Variants in MYO18B observed in about 807,000 individuals in gnomAD.
MYO18B encodes myosin XVIIIB.
In MYO18B, 204 loss-of-function variants were observed where a neutral mutation model predicts 273.0. That is an observed-to-expected ratio of 0.75 (90% CI 0.67 to 0.84). The LOEUF is 0.84. MYO18B is among the 40% of genes least tolerant of loss of function. MYO18B has a pLI of 0.00. For synonymous variants in MYO18B, 1,330 were observed against 1,305.7 expected (o/e 1.02, Z -0.40); for missense variants, 3,212 against 3,287.6 (o/e 0.98, Z 0.56).
intron 34 of MYO18B, among the ~76,000 whole-genome samples, chr22:25,937,523 C>T (rs1196934401): frequency 2.6e-5 from 4 of 152,130 alleles, no homozygotes; most frequent in Non-Finnish European, 5.9e-5. Flanking sequence ...ATATTCTCCC[C>T]CATGGCCACT....
At chr22:25,940,343 T>C (rs1352546248) in intron 34 of MYO18B, among the ~76,000 whole-genome samples, 4 of 152,192 alleles carry the variant, frequency 2.6e-5, no homozygotes, top group Admixed American at 2.6e-4. Context: ...ATTGCACCCA[T>C]GTAAGACATG....
chr22:25,878,523 C>T (rs778647772), intron 25 of MYO18B, among the ~76,000 whole-genome samples: 10 of 152,188 alleles, frequency 6.6e-5, no homozygotes, highest in African/African-American at 1.2e-4. Flanking sequence ...CCAATAAGAA[C>T]GGAAAAACAA....
chr22:25,796,542 G>A (rs1223120883), intron 11 of MYO18B, among the ~76,000 whole-genome samples: 1 of 151,448 alleles, frequency 6.6e-6, no homozygotes, highest in Non-Finnish European at 1.5e-5. Context: ...ACTGCAGTGG[G>A]CTATAATCAC....
the MYO18B span, among the ~76,000 whole-genome samples, chr22:26,037,497 C>G: frequency 6.6e-6 from 1 of 151,376 alleles, no homozygotes; most frequent in Non-Finnish European, 1.5e-5. Context: ...ACTCTGACCC[C>G]GAGTCCCAGG....
intron 39 of MYO18B, among the ~76,000 whole-genome samples, chr22:25,991,651 T>A (rs919354954): frequency 1.6e-4 from 25 of 152,256 alleles, no homozygotes; most frequent in African/African-American, 6.0e-4. Flanking sequence ...CGAGCTTGAG[T>A]TCCAGCTCCG....
At chr22:26,003,150 C>G in intron 40 of MYO18B, 115 bp from the exon 41 acceptor site, 2 of 941,368 alleles carry the variant, frequency 2.1e-6, no homozygotes, top group Admixed American at 4.0e-5. Flanking sequence ...TGAGATCACA[C>G]AGGGGCAAAG....
At chr22:25,980,500 G>A (rs2093137894) in intron 39 of MYO18B, among the ~76,000 whole-genome samples, 1 of 152,154 alleles carries the variant, frequency 6.6e-6, no homozygotes, top group Admixed American at 6.5e-5. Flanking sequence ...TGGCTGCAGA[G>A]CCAACTCCAT....
At chr22:25,993,236 T>A (rs1275702242) in intron 40 of MYO18B, among the ~76,000 whole-genome samples, 3 of 152,162 alleles carry the variant, frequency 2.0e-5, no homozygotes, top group Non-Finnish European at 4.4e-5. Flanking sequence ...GTCCAACTCC[T>A]GTAGCATTCT....
chr22:25,959,013 C>A (rs1169102559), intron 39 of MYO18B: 1 of 152,208 alleles, frequency 6.6e-6, no homozygotes, highest in Non-Finnish European at 1.5e-5. Flanking sequence ...ACACCTTTGC[C>A]CCCCAGGAGC....
chr22:25,967,263 A>G lies in MYO18B; in HGVS notation c.6156+11899A>G, dbSNP rs558167922. ...GAATATGGCAGGAGTATATTAAATT[A>G]TTCAAATAAATCCAATTTATATTGT... On this transcript the variant is annotated intron_variant, in intron 39 of 43. Transcript: ENST00000335473. 1.3e-4 allele frequency among the ~76,000 whole-genome samples: 20 copies of G among 152,334 alleles called. No homozygotes were observed. In the South Asian group the frequency reaches 3.9e-3, roughly 30 times the overall value.
chr22:25,845,958 G>A (rs2090228506), intron 18 of MYO18B, 142 bp from the exon 19 acceptor site: 8 of 698,972 alleles, frequency 1.1e-5, no homozygotes, highest in Non-Finnish European at 1.8e-5. Flanking sequence ...AAGGGGAGCA[G>A]CTGGGACACA....
chr22:25,876,943 C>G (rs2091216691), intron 24 of MYO18B: 1 of 152,162 alleles, frequency 6.6e-6, no homozygotes, highest in African/African-American at 2.4e-5. Flanking sequence ...CTGCATAGCC[C>G]TCCTTTGTGT....
chr22:26,048,333 A>T, the MYO18B span, among the ~76,000 whole-genome samples: 5 of 152,218 alleles, frequency 3.3e-5, no homozygotes, highest in Non-Finnish European at 7.3e-5. Flanking sequence ...GACCAATGTG[A>T]TAAATGTGTG....
chr22:25,968,905 T>C (rs963119085), intron 39 of MYO18B, among the ~76,000 whole-genome samples: 4 of 152,180 alleles, frequency 2.6e-5, no homozygotes, highest in African/African-American at 9.7e-5. Context: ...AAATGGCTGA[T>C]AGTCATGGTG....
intron 12 of MYO18B, among the ~76,000 whole-genome samples, chr22:25,820,811 C>G (rs900733896): frequency 6.6e-6 from 1 of 152,146 alleles, no homozygotes; most frequent in African/African-American, 2.4e-5. Context: ...TAACAACTCT[C>G]TCCCTATCCG....
intron 12 of MYO18B, among the ~76,000 whole-genome samples, chr22:25,811,163 G>A (rs966923185): frequency 9.3e-5 from 14 of 151,032 alleles, no homozygotes; most frequent in Admixed American, 4.6e-4. Flanking sequence ...ACAGGTGGCC[G>A]CCACTGTGCC....
chr22:25,943,236 C>T (rs34948454), intron 34 of MYO18B, among the ~76,000 whole-genome samples: 12 of 152,152 alleles, frequency 7.9e-5, no homozygotes, highest in African/African-American at 1.4e-4. Flanking sequence ...CTGCTCCTGC[C>T]GCCCAGACCT....
At chr22:25,926,721 G>A (rs1044247789) in intron 34 of MYO18B, among the ~76,000 whole-genome samples, 2 of 152,314 alleles carry the variant, frequency 1.3e-5, no homozygotes, top group East Asian at 1.9e-4. Flanking sequence ...AAGCTACAGG[G>A]ATAAAGAGGA....
intron 33 of MYO18B, among the ~76,000 whole-genome samples, chr22:25,920,795 T>C (rs1233445691): frequency 1.3e-5 from 2 of 152,116 alleles, no homozygotes; most frequent in Non-Finnish European, 2.9e-5. Flanking sequence ...TCTCCAGAAG[T>C]CCAGAGGCTC....
Sources: allele counts gnomAD v4.1 joint callset (sites outside exome capture counted in the v4.1 genomes callset), GRCh38; gene constraint gnomAD v4.1.1; transcripts MANE v1.5; gene names NCBI Gene and HGNC (gene_info 2026-07-23, HGNC 2026-07-21).